The following FAM168A variants were observed in gnomAD, a reference collection of about 807,000 sequenced individuals.
FAM168A encodes the protein family with sequence similarity 168 member A, also known as protein FAM168A.
FAM168A carries 3 observed loss-of-function variants against 28.5 expected under a neutral mutation model. That is an observed-to-expected ratio of 0.11 (90% CI 0.05 to 0.27). The LOEUF (loss-of-function observed/expected upper bound fraction) is 0.27. Ranked by LOEUF, FAM168A falls within the 10% of genes least tolerant of loss-of-function variation. The probability of loss-of-function intolerance (pLI) is 1.00; values close to 1 mark genes in which losing one functional copy is unlikely to be tolerated. For synonymous variants in FAM168A, 122 were observed against 124.2 expected, an observed-to-expected ratio of 0.98 and a Z score of 0.12; for missense variants, 222 against 311.5, an observed-to-expected ratio of 0.71 and a Z score of 2.16.
intron 1 of FAM168A, among the ~76,000 whole-genome samples, chr11:73,596,509 A>G (rs74930174): frequency 0.014 from 2,162 of 152,198 alleles, 46 homozygotes; most frequent in African/African-American, 0.049. Context: ...AATTTTACTA[A>G]TATAAATAAA....
chr11:73,521,087 C>A (rs1435798819), intron 1 of FAM168A, among the ~76,000 whole-genome samples: 1 of 152,130 alleles, frequency 6.6e-6, no homozygotes, highest in Non-Finnish European at 1.5e-5. Flanking sequence ...AAAATAGTTT[C>A]AGGAAATATA....
chr11:73,486,307 C>T (rs1868052851), intron 1 of FAM168A, among the ~76,000 whole-genome samples: 1 of 152,150 alleles, frequency 6.6e-6, no homozygotes. Flanking sequence ...ATCTCCAGAA[C>T]TTTTCATCTT....
chr11:73,411,496 C>T lies in FAM168A; in HGVS notation c.318G>A (p.Gln106=). The T allele has an allele frequency of 6.2e-7, 1 of 1,614,020 alleles. No individual in the cohort carries two copies. Among genetic ancestry groups the T allele is most frequent in the Non-Finnish European group, 8.5e-7 (1 of 1,179,940 alleles). The change falls in exon 5 of 8, where the codon CAG becomes CAA. Residue 106 remains glutamine, a synonymous_variant. Coordinates refer to ENST00000356467, the MANE Select transcript of FAM168A (RefSeq NM_015159.3). ...AGTPYKVPPT[Q]SNTAPPPYSP... ...AGTAGGGGGGTGGAGCAGTGTTACT[C>T]TGGGTCGGTGGGACCTTGTATGGTG...
chr11:73,408,632 T>C (rs1866551418), intron 6 of FAM168A, among the ~76,000 whole-genome samples: 1 of 151,948 alleles, frequency 6.6e-6, no homozygotes, highest in Admixed American at 6.6e-5. Flanking sequence ...ACACAAAAAT[T>C]AGCTGGGTGT....
At chr11:73,429,922 C>T (rs1381085692) in intron 3 of FAM168A, among the ~76,000 whole-genome samples, 2 of 152,158 alleles carry the variant, frequency 1.3e-5, no homozygotes, top group East Asian at 3.9e-4. Flanking sequence ...CAGGTAGTCA[C>T]ATTTGAATCT....
intron 1 of FAM168A, among the ~76,000 whole-genome samples, chr11:73,470,648 G>T (rs935095970): frequency 5.3e-5 from 8 of 152,232 alleles, no homozygotes; most frequent in Non-Finnish European, 4.4e-5. Context: ...TCCACCATGG[G>T]ATGACACAGC....
chr11:73,597,505 C>T (rs890418889), intron 1 of FAM168A, among the ~76,000 whole-genome samples: 6 of 151,992 alleles, frequency 3.9e-5, no homozygotes, highest in Non-Finnish European at 8.8e-5. Context: ...TGCCCCTCAC[C>T]CCAGCTCAGA....
At chr11:73,422,443 G>C (rs914076008) in intron 3 of FAM168A, among the ~76,000 whole-genome samples, 19 of 151,968 alleles carry the variant, frequency 1.3e-4, no homozygotes, top group Non-Finnish European at 2.4e-4. Context: ...ACAAATATTA[G>C]CTGTCAACTT....
rs1208574886 is a variant in FAM168A, at chr11:73,402,100, G to C, written c.*4663C>G. The C allele has an allele frequency of 6.6e-6, 1 of 152,216 alleles. No individual in the cohort carries two copies. Among genetic ancestry groups the C allele is most frequent in the Non-Finnish European group, 1.5e-5 (1 of 68,040 alleles). The allele number at this position is 152,216 out of a possible 1,614,324, so 9.4% of individuals were successfully genotyped here. A position where few individuals can be genotyped will look rare whatever the true frequency, so the allele number is the denominator to read the frequency against. On this transcript the variant is annotated 3_prime_UTR_variant, in exon 8 of 8. Transcript: ENST00000356467. ...GTCCCAACTGGCCCACTCTACTACT[G>C]CCCCTCTCTGGATTCCCAAGCTTGG... is the stretch of plus-strand genomic sequence containing the variant.
chr11:73,438,990 AAAAT>A (rs1399140049), intron 2 of FAM168A, among the ~76,000 whole-genome samples: 1 of 147,862 alleles, frequency 6.8e-6, no homozygotes. Context: ...AGAAGGAAAT[AAAAT>A]AAATAGACCC....
intron 1 of FAM168A, among the ~76,000 whole-genome samples, chr11:73,476,922 AT>A (rs1231670993): frequency 6.6e-6 from 1 of 152,106 alleles, no homozygotes; most frequent in Non-Finnish European, 1.5e-5. Flanking sequence ...ATGAAGAAAA[AT>A]AAACTGTGAG....
intron 2 of FAM168A, among the ~76,000 whole-genome samples, chr11:73,454,598 G>A (rs1000757650): frequency 2.6e-5 from 4 of 151,134 alleles, no homozygotes; most frequent in Admixed American, 2.0e-4. Flanking sequence ...GCGGCCCAAA[G>A]TGAGAACTTA....
chr11:73,549,136 T>C (rs1943795447), intron 1 of FAM168A, among the ~76,000 whole-genome samples: 1 of 152,138 alleles, frequency 6.6e-6, no homozygotes, highest in South Asian at 2.1e-4. Context: ...GAGATGGGGT[T>C]TCACCATGTT....
chr11:73,413,796 T>C, intron 4 of FAM168A, among the ~76,000 whole-genome samples: 1 of 152,214 alleles, frequency 6.6e-6, no homozygotes, highest in East Asian at 1.9e-4. Context: ...CTGGATGTGA[T>C]GGCTCTCACC....
chr11:73,529,202 C>T (rs1224395051), intron 1 of FAM168A, among the ~76,000 whole-genome samples: 2 of 152,196 alleles, frequency 1.3e-5, no homozygotes, highest in Non-Finnish European at 2.9e-5. Flanking sequence ...CAGATTTCTA[C>T]TGCTATCAGC....
chr11:73,496,314 G>A lies in FAM168A; in HGVS notation c.-18-27822C>T, dbSNP rs182235003. On this transcript the variant is annotated intron_variant, in intron 1 of 7. Transcript: ENST00000356467. ...AAAATGGTGGTTACCAAGGTGGAAG[G>A]TGAAAAGGGAAGTTGTTGTTCAACG... Among the ~76,000 whole-genome samples, 21 of 152,326 alleles carry A rather than the reference G, an allele frequency of 1.4e-4. No individual in the cohort carries two copies. The East Asian group carries it at 4.0e-3, about 29-fold the overall frequency.
chr11:73,426,748 G>C (rs1021685047), intron 3 of FAM168A, among the ~76,000 whole-genome samples: 1 of 133,032 alleles, frequency 7.5e-6, no homozygotes, highest in African/African-American at 3.0e-5. Context: ...TAACTCAAAG[G>C]GAAAGGGATC....
Position 73,562,400 on chromosome 11 carries a change from C to T in FAM168A, c.-19+35523G>A, listed in dbSNP as rs530618574. Reference sequence around the variant, plus strand: ...ATAAACAGTATCATTTGACTCAGACCTTGGTCTACAACCTAGATCTCTTGC... The same window carrying T: ...ATAAACAGTATCATTTGACTCAGACTTTGGTCTACAACCTAGATCTCTTGC... On this transcript the variant is annotated intron_variant, in intron 1 of 7. Coordinates refer to ENST00000356467, the MANE Select transcript of FAM168A (RefSeq NM_015159.3). Among the ~76,000 whole-genome samples the T allele has an allele frequency of 2.8e-4, 43 of 152,316 alleles. 1 individual carries two copies. In the South Asian group the frequency reaches 8.9e-3, roughly 32 times the overall value.
At chr11:73,492,537 G>A (rs373253165) in intron 1 of FAM168A, among the ~76,000 whole-genome samples, 3 of 152,118 alleles carry the variant, frequency 2.0e-5, no homozygotes, top group East Asian at 3.9e-4. Flanking sequence ...AGCTACACGG[G>A]GGGCTGAGGC....
Sources: gnomAD v4.1 joint callset for allele counts (sites outside exome capture counted in the v4.1 genomes callset) on GRCh38, gnomAD v4.1.1 for gene constraint, MANE v1.5 for transcripts, NCBI Gene and HGNC (gene_info 2026-07-23, HGNC 2026-07-21) for gene names.